RABEP1: variants seen among roughly 807,000 people sequenced by gnomAD.
RABEP1 encodes rab GTPase-binding effector protein 1.
RABEP1 carries 51 observed loss-of-function variants against 123.4 expected under a neutral mutation model. That is an observed-to-expected ratio of 0.41 (90% CI 0.33 to 0.52). The LOEUF is 0.52. Among genes scored for constraint, RABEP1 ranks in the 20% least tolerant of loss-of-function variants. The probability of loss-of-function intolerance (pLI) is 0.16; values close to 1 mark genes in which losing one functional copy is unlikely to be tolerated. For synonymous variants in RABEP1, 347 were observed against 355.2 expected (o/e 0.98, Z 0.26); for missense variants, 888 against 996.3 (o/e 0.89, Z 1.46).
Position 5,384,082 on chromosome 17 carries a change from A to G in RABEP1, c.*859A>G, listed in dbSNP as rs1284926464. On this transcript the variant is annotated 3_prime_UTR_variant, in exon 18 of 18. Coordinates refer to ENST00000537505, the MANE Select transcript of RABEP1 (RefSeq NM_004703.6). The stretch of plus-strand genomic sequence containing the variant: ...TTAGTATACGTTTTTAAATAGGCTA[A>G]TTTTTCAACTTGGATCATTAGGCTT... 2.3e-5 allele frequency: 5 copies of G among 215,332 alleles called. No individual in the cohort carries two copies. In the East Asian group the frequency reaches 2.8e-4, roughly 12 times the overall value. 13.3% of individuals were successfully genotyped at this position (215,332 alleles called of 1,614,324 possible).
intron 2 of RABEP1, among the ~76,000 whole-genome samples, chr17:5,310,439 C>T (rs574728129): frequency 6.6e-6 from 1 of 151,990 alleles, no homozygotes; most frequent in South Asian, 2.1e-4. Flanking sequence ...CCTGCCCCAG[C>T]CTCCCGAGTA....
At chr17:5,347,128 G>A (rs1230656559) in intron 6 of RABEP1, among the ~76,000 whole-genome samples, 2 of 152,154 alleles carry the variant, frequency 1.3e-5, no homozygotes, top group Non-Finnish European at 2.9e-5. Context: ...TTCACAAGGT[G>A]GCTGGGTACA....
intron 5 of RABEP1, among the ~76,000 whole-genome samples, chr17:5,342,360 G>T (rs1233184541): frequency 6.6e-6 from 1 of 152,158 alleles, no homozygotes; most frequent in Non-Finnish European, 1.5e-5. Context: ...GCATTGGGCC[G>T]GGTGCAGTGG....
intron 7 of RABEP1, among the ~76,000 whole-genome samples, chr17:5,351,660 G>T (rs759008726): frequency 6.6e-5 from 10 of 152,084 alleles, no homozygotes; most frequent in African/African-American, 1.2e-4. Flanking sequence ...TAATTAGCTG[G>T]GCATGGTGGC....
rs562581133 is a variant in RABEP1, at chr17:5,285,021, T to C, written c.34+2501T>C. On this transcript the variant is annotated intron_variant, in intron 1 of 17. Transcript: ENST00000537505. ...CTGTTTTTCATGGCCATATGGTAGA[T>C]TAGGAAAATCGATTTGTGTGTAAAT... Among the ~76,000 whole-genome samples, 44 of 152,180 alleles carry C rather than the reference T, an allele frequency of 2.9e-4. 1 individual carries two copies. The highest frequency in any genetic ancestry group is 1.0e-3 in the African/African-American group (43 of 41,530).
intron 2 of RABEP1, among the ~76,000 whole-genome samples, chr17:5,309,404 C>G (rs926004333): frequency 6.6e-6 from 1 of 152,056 alleles, no homozygotes; most frequent in Non-Finnish European, 1.5e-5. Flanking sequence ...AATCCCAGCA[C>G]TTTGGGAGGC....
chr17:5,284,285 A>G (rs1311859689), intron 1 of RABEP1, among the ~76,000 whole-genome samples: 1 of 152,170 alleles, frequency 6.6e-6, no homozygotes, highest in Non-Finnish European at 1.5e-5. Context: ...ATTTTAGTTC[A>G]GGTTTCTTTC....
intron 8 of RABEP1, among the ~76,000 whole-genome samples, chr17:5,360,752 C>G (rs956529326): frequency 1.3e-5 from 2 of 152,128 alleles, no homozygotes; most frequent in African/African-American, 4.8e-5. Flanking sequence ...TCTCAAGTCT[C>G]TATCGAAAGA....
chr17:5,360,325 G>A (rs1909391695), intron 8 of RABEP1, among the ~76,000 whole-genome samples: 2 of 152,262 alleles, frequency 1.3e-5, no homozygotes, highest in South Asian at 2.1e-4. Context: ...CACTTTGGGA[G>A]GCTGAGGTCG....
intron 5 of RABEP1, among the ~76,000 whole-genome samples, chr17:5,343,670 CTTTTTTTTTTT>C (rs753410845): frequency 2.0e-5 from 2 of 99,942 alleles, no homozygotes; most frequent in East Asian, 3.7e-4. Flanking sequence ...TTTCTTTTCT[CTTTTTTTTTTT>C]TTTTTTTTTT....
At chr17:5,285,349 G>T (rs1366876230) in intron 1 of RABEP1, among the ~76,000 whole-genome samples, 4 of 148,806 alleles carry the variant, frequency 2.7e-5, no homozygotes, top group African/African-American at 1.0e-4. Flanking sequence ...GCCCAGTCTG[G>T]TCTTGAACCC....
At chr17:5,310,301 C>CATTTTTTTTTTTTTTTTTTT (rs2075224343) in intron 2 of RABEP1, among the ~76,000 whole-genome samples, 1 of 126,438 alleles carries the variant, frequency 7.9e-6, no homozygotes, top group African/African-American at 3.1e-5. Context: ...AAGCTTCGTC[C>CATTTTTTTTTTTTTTTTTTT]TTTTTTTTTT....
chr17:5,375,862 T>TTTTTA (rs1555526156), intron 13 of RABEP1, among the ~76,000 whole-genome samples: 2 of 149,838 alleles, frequency 1.3e-5, no homozygotes, highest in Non-Finnish European at 3.0e-5. Flanking sequence ...TTTTATTTCA[T>TTTTTA]TTTATTTATT....
intron 2 of RABEP1, among the ~76,000 whole-genome samples, chr17:5,311,991 C>T (rs1040911494): frequency 2.0e-5 from 3 of 152,142 alleles, no homozygotes; most frequent in African/African-American, 7.2e-5. Flanking sequence ...TGTTAAATTA[C>T]ATAGTTCTTT....
chr17:5,300,246 A>G (rs1406107754), intron 1 of RABEP1, among the ~76,000 whole-genome samples: 1 of 152,148 alleles, frequency 6.6e-6, no homozygotes, highest in Non-Finnish European at 1.5e-5. Context: ...AGGCTTCTCT[A>G]GACTGTGAAA....
intron 2 of RABEP1, among the ~76,000 whole-genome samples, chr17:5,330,658 G>C (rs150852112): frequency 2.1e-4 from 32 of 152,164 alleles, no homozygotes; most frequent in Non-Finnish European, 3.8e-4. Context: ...GCTTTGGAGA[G>C]GAAATTGATA....
intron 13 of RABEP1, 131 bp downstream of exon 13, chr17:5,373,585 A>G: frequency 9.3e-7 from 1 of 1,080,562 alleles, no homozygotes; most frequent in Non-Finnish European, 1.3e-6. Flanking sequence ...TGTACCATTC[A>G]GTGGTTTTTG....
chr17:5,303,300 G>A (rs748365557), intron 1 of RABEP1, among the ~76,000 whole-genome samples: 2 of 152,002 alleles, frequency 1.3e-5, no homozygotes, highest in Non-Finnish European at 2.9e-5. Flanking sequence ...GGAATGCAGT[G>A]GTGCGATCTT....
chr17:5,288,137 C>T (rs1295723393), intron 1 of RABEP1, among the ~76,000 whole-genome samples: 1 of 151,906 alleles, frequency 6.6e-6, no homozygotes, highest in African/African-American at 2.4e-5. Flanking sequence ...GCTATGAATG[C>T]CTATAACTGA....
Sources: gnomAD v4.1 joint callset for allele counts (sites outside exome capture counted in the v4.1 genomes callset) on GRCh38, gnomAD v4.1.1 for gene constraint, MANE v1.5 for transcripts, NCBI Gene and HGNC (gene_info 2026-07-23, HGNC 2026-07-21) for gene names.